Variants in FBN3 observed in about 807,000 individuals in gnomAD.
FBN3 encodes fibrillin-3.
FBN3 carries 234 observed loss-of-function variants against 330.1 expected under a neutral mutation model. That is an observed-to-expected ratio of 0.71 (90% CI 0.64 to 0.79). The LOEUF (loss-of-function observed/expected upper bound fraction) is 0.79. Among genes scored for constraint, FBN3 ranks in the 30% least tolerant of loss-of-function variants. The probability of loss-of-function intolerance (pLI) is 0.00; values close to 1 mark genes in which losing one functional copy is unlikely to be tolerated. For synonymous variants in FBN3, 1,458 were observed against 1,517.3 expected, an observed-to-expected ratio of 0.96 and a Z score of 0.91; for missense variants, 3,606 against 3,886.9, an observed-to-expected ratio of 0.93 and a Z score of 1.92.
At chr19:8,144,015 A>T (rs916145665) in intron 6 of FBN3, among the ~76,000 whole-genome samples, 3 of 151,490 alleles carry the variant, frequency 2.0e-5, no homozygotes, top group Admixed American at 6.6e-5. Flanking sequence ...TCACTATGCT[A>T]CCCAGGTTGA....
chr19:8,137,095 C>T (rs543608213), intron 10 of FBN3, among the ~76,000 whole-genome samples: 77 of 150,540 alleles, frequency 5.1e-4, no homozygotes, highest in Non-Finnish European at 5.9e-5. Flanking sequence ...ATCTCTCCAA[C>T]CTGGTGCCTA....
At chr19:8,100,865 G>C in intron 41 of FBN3, 36 bp downstream of exon 41, 1 of 1,575,026 alleles carries the variant, frequency 6.3e-7, no homozygotes, top group Non-Finnish European at 8.7e-7. Context: ...CCAGGTGGAT[G>C]GGTGCCCAGG....
chr19:8,084,300 T>G (rs2081882975), intron 56 of FBN3, among the ~76,000 whole-genome samples: 1 of 152,086 alleles, frequency 6.6e-6, no homozygotes, highest in South Asian at 2.1e-4. Flanking sequence ...ATGAACATGG[T>G]GTATACTTCT....
chr19:8,135,955 A>ACCCCCCCCCCCCCCCCC lies in FBN3; in HGVS notation c.1591+5_1591+6insGGGGGGGGGGGGGGGGG. On this transcript the variant is annotated splice_donor_region_variant and intron_variant, in intron 13 of 63. Transcript: ENST00000600128. The stretch of plus-strand genomic sequence containing the variant: ...GCCCCTGCCCACCCGCCCACCCCCA[A>ACCCCCCCCCCCCCCCCC]CTCACCCACACAGTTCTTGCCGTCA... The ACCCCCCCCCCCCCCCCC allele has an allele frequency of 8.7e-6, 1 of 115,332 alleles. No individual in the cohort carries two copies. The highest frequency in any genetic ancestry group is 1.6e-5 in the Non-Finnish European group (1 of 60,866). The allele number at this position is 115,332 out of a possible 1,614,324, so 7.1% of individuals were successfully genotyped here.
intron 63 of FBN3, among the ~76,000 whole-genome samples, chr19:8,069,080 C>A (rs1032638154): frequency 2.0e-5 from 3 of 152,094 alleles, no homozygotes; most frequent in African/African-American, 7.2e-5. Context: ...AGAAGCCAGC[C>A]CCTAAAAGAA....
chr19:8,112,607 G>A (rs2082615767), intron 30 of FBN3, among the ~76,000 whole-genome samples: 1 of 152,158 alleles, frequency 6.6e-6, no homozygotes, highest in Non-Finnish European at 1.5e-5. Flanking sequence ...CAGAGGTTGT[G>A]CCACTGCACT....
intron 57 of FBN3, among the ~76,000 whole-genome samples, chr19:8,082,885 C>A (rs567468218): frequency 1.1e-5 from 1 of 88,290 alleles, no homozygotes; most frequent in Non-Finnish European, 2.2e-5. Flanking sequence ...TGCAGTGGCA[C>A]AATCAGCTCA....
intron 59 of FBN3, among the ~76,000 whole-genome samples, chr19:8,077,991 C>G (rs1466084938): frequency 6.6e-6 from 1 of 151,810 alleles, no homozygotes; most frequent in African/African-American, 2.4e-5. Context: ...GCAGGAGGAT[C>G]GCTTGAACCT....
chr19:8,088,158 C>A lies in FBN3; in HGVS notation c.6398G>T (p.Gly2133Val). Residue 2133 changes from glycine to valine, a missense_variant, in exon 52 of 64, where the codon GGC becomes GTC. Coordinates refer to ENST00000600128, the MANE Select transcript of FBN3 (RefSeq NM_032447.5). The part of the protein sequence containing the change: ...NCVDTDECSV[G>V]HPCGQGTCTN... Reference sequence around the variant, plus strand: ...GCATGTCCCTTGCCCACAGGGGTGGCCGACAGAGCACTCGTCTGTGTCTGG... The same window carrying A: ...GCATGTCCCTTGCCCACAGGGGTGGACGACAGAGCACTCGTCTGTGTCTGG... The A allele has an allele frequency of 6.2e-7, 1 of 1,606,702 alleles. No individual in the cohort carries two copies. Among genetic ancestry groups the A allele is most frequent in the East Asian group, 2.2e-5 (1 of 44,742 alleles).
In FBN3 at chr19:8,131,546, A is replaced by G; in HGVS notation, c.1990+8T>C. 1.9e-6 allele frequency: 3 copies of G among 1,599,520 alleles called. No homozygotes were observed. Among genetic ancestry groups the G allele is most frequent in the Non-Finnish European group, 2.6e-6 (3 of 1,170,664 alleles). ...GAGGCGATGGGGACCGGGCAGCCGG[A>G]TGCTCACCGGAGTCTTTGGCAGGAC... On this transcript the variant is annotated splice_region_variant and intron_variant, in intron 15 of 63. Coordinates refer to ENST00000600128, the MANE Select transcript of FBN3 (RefSeq NM_032447.5). This position sits in a 1 kb window ranked among gnomAD's most constrained non-coding sequence, Gnocchi z 4.5.
chr19:8,142,133 G>A lies in FBN3; in HGVS notation c.546C>T (p.Tyr182=), dbSNP rs1379229870. 4.4e-6 allele frequency: 7 copies of A among 1,606,390 alleles called. No homozygotes were observed. The highest frequency in any genetic ancestry group is 2.7e-5 in the African/African-American group (2 of 74,932). ...CTTGGCCAAAGCAGGGTCCCGTCCG[G>A]TAATCTGCAGGGCAGACAGATGTGG... ...GFMGPQCERD[Y]RTGPCFGQVG... The change falls in exon 7 of 64, where the codon TAC becomes TAT. Residue 182 remains tyrosine, a synonymous_variant. Coordinates refer to ENST00000600128, the MANE Select transcript of FBN3 (RefSeq NM_032447.5).
chr19:8,086,169 G>T (rs1473092128), intron 55 of FBN3, 31 bp downstream of exon 55: 9 of 1,521,824 alleles, frequency 5.9e-6, no homozygotes, highest in Non-Finnish European at 8.0e-6. Flanking sequence ...GTAGGTGGTT[G>T]CAACCACTGT....
Position 8,115,508 on chromosome 19 carries a change from G to A in FBN3, c.3838+7C>T, listed in dbSNP as rs368557307. 3.0e-5 allele frequency: 49 copies of A among 1,613,268 alleles called. No individual in the cohort carries two copies. The highest frequency in any genetic ancestry group is 6.7e-5 in the African/African-American group (5 of 74,904). ...CCCTCTGCCTGCACCGCTGACCGCC[G>A]GCTCACCAGAGCAGCCTGTGGCCCC... On this transcript the variant is annotated splice_region_variant and intron_variant, in intron 30 of 63. Transcript: ENST00000600128.
intron 13 of FBN3, among the ~76,000 whole-genome samples, chr19:8,133,360 A>T (rs1488198253): frequency 6.6e-6 from 1 of 152,268 alleles, no homozygotes; most frequent in African/African-American, 2.4e-5. Flanking sequence ...CTCAAAGCTG[A>T]ATAAACGTGG....
intron 6 of FBN3, 72 bp from the exon 7 acceptor site, chr19:8,142,209 C>T: frequency 8.1e-7 from 1 of 1,240,758 alleles, no homozygotes; most frequent in South Asian, 1.4e-5. Context: ...TCTCTAACAC[C>T]TTCTCAGCGG....
intron 8 of FBN3, 91 bp from the exon 9 acceptor site, chr19:8,138,655 G>A: frequency 7.3e-7 from 1 of 1,369,470 alleles, no homozygotes; most frequent in Non-Finnish European, 9.8e-7. Flanking sequence ...CTGCCTGTAG[G>A]ACGGGTCTGT....
In FBN3 at chr19:8,083,315, C is replaced by T; in HGVS notation, c.7145G>A (p.Ser2382Asn). ...ACAGTGGCAGCGGAAGGAGCCAAGGCTGTTGATGCACTCCCCATGAGCACA... is the reference window on the plus strand; with the variant it reads ...ACAGTGGCAGCGGAAGGAGCCAAGGTTGTTGATGCACTCCCCATGAGCACA... ...HLCAHGECINSLGSFRCHCQA... is the reference protein window; with the variant it reads ...HLCAHGECINNLGSFRCHCQA... Residue 2382 changes from serine (S) to asparagine (N), a missense_variant, in exon 57 of 64, where the codon AGC (serine) becomes AAC (asparagine). Transcript: ENST00000600128. The T allele has an allele frequency of 6.2e-7, 1 of 1,614,144 alleles. No homozygotes were observed. The highest frequency in any genetic ancestry group is 1.1e-5 in the South Asian group (1 of 91,090).
Position 8,126,767 on chromosome 19 carries a change from T to C in FBN3, c.2362A>G (p.Thr788Ala). Residue 788 changes from threonine (T) to alanine (A), a missense_variant, in exon 19 of 64, where the codon ACC becomes GCC. Physicochemically the swap from Thr to Ala is moderately conservative, Grantham distance 58. Transcript: ENST00000600128. ...CGGCTGCCAGGGCCACATTTGCAGG[T>C]GTAGGAGCCGGCCAGGTTCCGACAG... is the stretch of plus-strand genomic sequence containing the variant. ...GVCRNLAGSY[T>A]CKCGPGSRLD... is the part of the protein sequence containing the mutation. 4 of 1,595,000 alleles carry C rather than the reference T, an allele frequency of 2.5e-6. No homozygotes were observed. Among genetic ancestry groups the C allele is most frequent in the Non-Finnish European group, 3.4e-6 (4 of 1,171,746 alleles).
chr19:8,103,499 T>C, intron 39 of FBN3, 63 bp downstream of exon 39: 1 of 1,558,178 alleles, frequency 6.4e-7, no homozygotes, highest in East Asian at 2.3e-5. Context: ...CTCCCAGCAG[T>C]TCCTCCCATG....
Sources: allele counts gnomAD v4.1 joint callset (sites outside exome capture counted in the v4.1 genomes callset), GRCh38; gene constraint gnomAD v4.1.1; non-coding constraint Gnocchi (gnomAD v3.1); transcripts MANE v1.5; gene names NCBI Gene and HGNC (gene_info 2026-07-23, HGNC 2026-07-21).